The following GNGT2 variants were observed in gnomAD, a reference collection of about 807,000 sequenced individuals.
The protein encoded by GNGT2 is G protein subunit gamma transducin 2.
Under a neutral mutation model 3.5 loss-of-function variants are expected in GNGT2, and 4 were observed. That is an observed-to-expected ratio of 1.13 (90% confidence interval 0.56 to 2.59). The LOEUF is 2.59. Among genes scored for constraint, GNGT2 ranks in the 30% most tolerant of loss-of-function variants. GNGT2 has a pLI of 0.02. For synonymous variants in GNGT2, 31 were observed against 29.5 expected (o/e 1.05, Z -0.17); for missense variants, 64 against 81.2 (o/e 0.79, Z 0.82).
At chr17:49,208,329 C>A (rs553853509) in intron 2 of GNGT2, among the ~76,000 whole-genome samples, 1 of 151,262 alleles carries the variant, frequency 6.6e-6, no homozygotes, top group Non-Finnish European at 1.5e-5. Context: ...GGCGTGGTGG[C>A]GGGCACCTGT....
At position 49,206,811 on chromosome 17, in the gene GNGT2, G is replaced by A; in HGVS notation, c.156C>T (p.Gly52=). ...TGAAGGGATTCTTGTCCTCAGGGATGCCTTTGAGAAAAGGATCGTTTCCTG... is the reference window on the plus strand; with the variant it reads ...TGAAGGGATTCTTGTCCTCAGGGATACCTTTGAGAAAAGGATCGTTTCCTG... ...AQAGNDPFLK[G]IPEDKNPFKE... Residue 52 remains glycine, a synonymous_variant, in exon 4 of 4, where the codon GGC becomes GGT. Coordinates refer to ENST00000507680, the MANE Select transcript of GNGT2 (RefSeq NM_001198754.2). The A allele has an allele frequency of 6.2e-7, 1 of 1,613,244 alleles. No individual in the cohort carries two copies. Among genetic ancestry groups the A allele is most frequent in the Non-Finnish European group, 8.5e-7 (1 of 1,179,248 alleles).
chr17:49,206,978 G>A, intron 3 of GNGT2, 96 bp from the exon 4 acceptor site: 7 of 1,301,646 alleles, frequency 5.4e-6, no homozygotes, highest in Non-Finnish European at 7.7e-6. Context: ...GCAGGGCAGA[G>A]ACAGGGGCCA....
chr17:49,208,474 AAG>A (rs1193953698), intron 2 of GNGT2, among the ~76,000 whole-genome samples: 2 of 150,986 alleles, frequency 1.3e-5, no homozygotes, highest in African/African-American at 4.9e-5. Context: ...AAAAAAAAAA[AAG>A]AGAGAGAGAG....
intron 3 of GNGT2, 71 bp downstream of exon 3, chr17:49,207,268 G>T: frequency 8.9e-7 from 1 of 1,121,210 alleles, no homozygotes; most frequent in African/African-American, 1.5e-5. Flanking sequence ...CACCCTTTCT[G>T]GTCACTTCCT....
rs1327588764 is a variant in GNGT2 at position 49,207,324 on chromosome 17, G to C, written c.84+15C>G. ...AACAGGAAGGGAAGAGCAGGGACGG[G>C]GCGAGGAGGCTCACCGGAATTCTTG... On this transcript the variant is annotated intron_variant, in intron 3 of 3. Transcript: ENST00000507680. 6.3e-7 allele frequency: 1 copy of C among 1,585,818 alleles called. No homozygotes were observed. The highest frequency in any genetic ancestry group is 1.7e-5 in the Admixed American group (1 of 59,990).
chr17:49,206,776 C>T lies in GNGT2; in HGVS notation c.191G>A (p.Gly64Asp). The change falls in exon 4 of 4, where the codon GGT becomes GAT. Residue 64 changes from glycine (G) to aspartate (D), a missense_variant. By Grantham distance (94) the Gly-to-Asp change is moderately conservative. Transcript: ENST00000507680. ...ATGCCATCAGCTTATCAGACAGCCACCTTTCTCCTTGAAGGGATTCTTGTC... is the reference window on the plus strand; with the variant it reads ...ATGCCATCAGCTTATCAGACAGCCATCTTTCTCCTTGAAGGGATTCTTGTC... ...PEDKNPFKEK[G>D]GCLIS 8 of 1,613,542 alleles carry T rather than the reference C, an allele frequency of 5.0e-6. No homozygotes were observed. Among genetic ancestry groups the T allele is most frequent in the Non-Finnish European group, 6.8e-6 (8 of 1,179,784 alleles).
chr17:49,209,663 A>G (rs757497156), intron 1 of GNGT2, among the ~76,000 whole-genome samples: 3 of 152,168 alleles, frequency 2.0e-5, no homozygotes, highest in Non-Finnish European at 4.4e-5. Context: ...TTAAGGGACC[A>G]ATATGGTCAA....
At chr17:49,206,994 G>A (rs1397988313) in intron 3 of GNGT2, 112 bp from the exon 4 acceptor site, 2 of 1,127,410 alleles carry the variant, frequency 1.8e-6, no homozygotes, top group Admixed American at 3.8e-5. Flanking sequence ...GGCCAAAGAG[G>A]AGAAAGACAC....
intron 3 of GNGT2, 89 bp downstream of exon 3, chr17:49,207,250 A>C: frequency 1.0e-6 from 1 of 958,186 alleles, no homozygotes; most frequent in Non-Finnish European, 1.7e-6. Flanking sequence ...GCCCTGGAAC[A>C]GTCCCACCAC....
In GNGT2 at chr17:49,210,503, C is replaced by T; in HGVS notation, c.-192G>A. ...GGCCCCCAAATGGGCCCCTGGCTTC[C>T]CCCTTCCTCTGGGCAGGGGACAGAG... On this transcript the variant is annotated 5_prime_UTR_variant, in exon 1 of 4. Transcript: ENST00000507680. The surrounding 1 kb of genome is among the most constrained non-coding windows in gnomAD (Gnocchi z 4.2). The T allele has an allele frequency of 2.3e-6, 1 of 437,152 alleles. No individual in the cohort carries two copies. The allele number at this position is 437,152 out of a possible 1,614,324, so 27.1% of individuals were successfully genotyped here. A position where few individuals can be genotyped will look rare whatever the true frequency, so the allele number is the denominator to read the frequency against.
At chr17:49,207,027 G>T in intron 3 of GNGT2, 145 bp from the exon 4 acceptor site, 5 of 861,962 alleles carry the variant, frequency 5.8e-6, no homozygotes. Flanking sequence ...GGTGTTCGGG[G>T]GTGTGAGTTC....
In GNGT2 at chr17:49,206,318, T is replaced by C. The variant is rs1439201786; in HGVS notation, c.*439A>G. The C allele has an allele frequency of 5.9e-6, 1 of 170,694 alleles. No homozygotes were observed. The highest frequency in any genetic ancestry group is 1.2e-5 in the Non-Finnish European group (1 of 81,514). The allele number at this position is 170,694 out of a possible 1,614,324, so 10.6% of individuals were successfully genotyped here. ...AACAGGACCATAGGGTAGGACATGA[T>C]ATGGAGGGACAGGACCACCCAACCC... On this transcript the variant is annotated 3_prime_UTR_variant, in exon 4 of 4. Transcript: ENST00000507680.
Position 49,210,461 on chromosome 17 carries a change from G to C in GNGT2, c.-150C>G, listed in dbSNP as rs2143502679. The C allele has an allele frequency of 2.6e-6, 1 of 382,162 alleles. No individual in the cohort carries two copies. Among genetic ancestry groups the C allele is most frequent in the East Asian group, 4.1e-5 (1 of 24,112 alleles). The allele number at this position is 382,162 out of a possible 1,614,324, so 23.7% of individuals were successfully genotyped here. A position where few individuals can be genotyped will look rare whatever the true frequency, so the allele number is the denominator to read the frequency against. On this transcript the variant is annotated 5_prime_UTR_variant, in exon 1 of 4. Transcript: ENST00000507680. This position sits in a 1 kb window ranked among gnomAD's most constrained non-coding sequence, Gnocchi z 4.2. ...GCCCCGACCTTGGCTTCCTCTGCTG[G>C]GTGGGATTGGGGGCTGGGCCCCCAA...
intron 2 of GNGT2, among the ~76,000 whole-genome samples, chr17:49,208,635 C>A (rs989812406): frequency 1.3e-5 from 2 of 152,014 alleles, no homozygotes; most frequent in African/African-American, 4.8e-5. Flanking sequence ...CTACCACATG[C>A]AATTATTGTG....
chr17:49,206,886 C>A lies in GNGT2; in HGVS notation c.85-4G>T, dbSNP rs924921281. ...TTTCCTTTCCCGCTTTGGAAATCTG[C>A]GAGAACACAAAAAATGTTTTAGGTC... On this transcript the variant is annotated splice_polypyrimidine_tract_variant and splice_region_variant and intron_variant, in intron 3 of 3. Coordinates refer to ENST00000507680, the MANE Select transcript of GNGT2 (RefSeq NM_001198754.2). 6.2e-7 allele frequency: 1 copy of A among 1,613,138 alleles called. No individual in the cohort carries two copies. The highest frequency in any genetic ancestry group is 8.5e-7 in the Non-Finnish European group (1 of 1,179,738).
chr17:49,210,542 G>T lies in GNGT2; in HGVS notation c.-231C>A. On this transcript the variant is annotated 5_prime_UTR_variant, in exon 1 of 4. Coordinates refer to ENST00000507680, the MANE Select transcript of GNGT2 (RefSeq NM_001198754.2). This position sits in a 1 kb window ranked among gnomAD's most constrained non-coding sequence, Gnocchi z 4.2. ...CAGGGGACAGAGAGACACAGGCTCG[G>T]GGAGCAGGACTGACTTCCTCTTGTC... 1 of 533,336 alleles carries T rather than the reference G, an allele frequency of 1.9e-6. No individual in the cohort carries two copies. 33.0% of individuals were successfully genotyped at this position (533,336 alleles called of 1,614,324 possible). A position where few individuals can be genotyped will look rare whatever the true frequency, so the allele number is the denominator to read the frequency against.
chr17:49,210,098 C>T lies in GNGT2; in HGVS notation c.-133+346G>A, dbSNP rs770582987. 3.3e-5 allele frequency: 5 copies of T among 152,380 alleles called. No homozygotes were observed. The highest frequency in any genetic ancestry group is 5.9e-5 in the Non-Finnish European group (4 of 68,218). 9.4% of individuals were successfully genotyped at this position (152,380 alleles called of 1,614,324 possible). A position where few individuals can be genotyped will look rare whatever the true frequency, so the allele number is the denominator to read the frequency against. On this transcript the variant is annotated intron_variant, in intron 1 of 3. Transcript: ENST00000507680. This position sits in a 1 kb window ranked among gnomAD's most constrained non-coding sequence, Gnocchi z 4.2. ...ACAACCCTTCGCAGGCTTGCTAACACCCCTCTGGCAACCTCTCTGGTCATG... is the reference window on the plus strand; with the variant it reads ...ACAACCCTTCGCAGGCTTGCTAACATCCCTCTGGCAACCTCTCTGGTCATG...
chr17:49,208,261 G>A (rs938365817), intron 2 of GNGT2, among the ~76,000 whole-genome samples: 4 of 152,108 alleles, frequency 2.6e-5, no homozygotes, highest in Non-Finnish European at 5.9e-5. Context: ...GAGGGTTCGA[G>A]ACTAGCCTCG....
In GNGT2 at chr17:49,207,017, G is replaced by C. The variant is rs56128495; in HGVS notation, c.85-135C>G. 4,757 of 889,418 alleles carry C rather than the reference G, an allele frequency of 5.3e-3. 24 individuals carry two copies. The highest frequency in any genetic ancestry group is 6.9e-3 in the Non-Finnish European group (3,797 of 553,248). The allele number at this position is 889,418 out of a possible 1,614,324, so 55.1% of individuals were successfully genotyped here. A position where few individuals can be genotyped will look rare whatever the true frequency, so the allele number is the denominator to read the frequency against. On this transcript the variant is annotated intron_variant, in intron 3 of 3. Coordinates refer to ENST00000507680, the MANE Select transcript of GNGT2 (RefSeq NM_001198754.2). Reference sequence around the variant, plus strand: ...AGGAGAAAGACACAGAGGACAGACAGGTGTTCGGGGGTGTGAGTTCCTTGA... The same window carrying C: ...AGGAGAAAGACACAGAGGACAGACACGTGTTCGGGGGTGTGAGTTCCTTGA...
Sources: gnomAD v4.1 joint callset for allele counts (sites outside exome capture counted in the v4.1 genomes callset) on GRCh38, gnomAD v4.1.1 for gene constraint, Gnocchi (gnomAD v3.1) non-coding constraint, MANE v1.5 for transcripts, NCBI Gene and HGNC (gene_info 2026-07-23, HGNC 2026-07-21) for gene names.